The following SMYD3 variants were observed in gnomAD, a reference collection of about 807,000 sequenced individuals.
SMYD3 encodes histone-lysine N-methyltransferase SMYD3.
In SMYD3, 36 loss-of-function variants were observed where a neutral mutation model predicts 57.7. The observed-to-expected ratio is 0.62, with a 90% confidence interval of 0.48 to 0.82. The LOEUF is 0.82. SMYD3 is among the 40% of genes least tolerant of loss of function. The pLI, the probability that SMYD3 is intolerant of heterozygous loss-of-function variation, is 0.00. For missense variants in SMYD3, 515 were observed against 538.8 expected (o/e 0.96, Z 0.44); for synonymous variants, 211 against 195.0 (o/e 1.08, Z -0.68).
rs72766646 is a variant in SMYD3, at chr1:245,807,301, A to C, written c.1077-43152T>G. ...GCAAAAGGTCTTACAAAAGTCAAGA[A>C]ATTGCTTATGATTACAGCTCTGCAA... On this transcript the variant is annotated intron_variant, in intron 10 of 11. Coordinates refer to ENST00000490107, the MANE Select transcript of SMYD3 (RefSeq NM_001167740.2). 3.7e-3 allele frequency among the ~76,000 whole-genome samples: 567 copies of C among 152,282 alleles called. 2 individuals are homozygous for C. Among genetic ancestry groups the C allele is most frequent in the Non-Finnish European group, 6.7e-3 (457 of 68,026 alleles).
intron 2 of SMYD3, 99 bp from the exon 3 acceptor site, chr1:246,335,573 A>G: frequency 1.1e-6 from 1 of 870,022 alleles, no homozygotes. Context: ...AAATTTTAAT[A>G]GTCCAAATGT....
chr1:245,895,940 T>C (rs987293331), intron 8 of SMYD3, among the ~76,000 whole-genome samples: 1 of 152,208 alleles, frequency 6.6e-6, no homozygotes, highest in African/African-American at 2.4e-5. Flanking sequence ...AAAATTAACA[T>C]TGCTTTATAT....
At chr1:246,472,992 G>A (rs1303096769) in intron 1 of SMYD3, among the ~76,000 whole-genome samples, 1 of 151,714 alleles carries the variant, frequency 6.6e-6, no homozygotes, top group Non-Finnish European at 1.5e-5. Flanking sequence ...AAGTAGCTGG[G>A]ATTACAGGCA....
At chr1:246,081,548 T>C (rs1287347035) in intron 5 of SMYD3, among the ~76,000 whole-genome samples, 5 of 152,132 alleles carry the variant, frequency 3.3e-5, no homozygotes, top group Admixed American at 3.3e-4. Flanking sequence ...CTGCACCATG[T>C]CACCTGGCTA....
chr1:246,132,086 T>A (rs549700823), intron 5 of SMYD3, among the ~76,000 whole-genome samples: 1 of 152,174 alleles, frequency 6.6e-6, no homozygotes, highest in South Asian at 2.1e-4. Context: ...GGGACAATTC[T>A]ACTAAACATG....
chr1:246,354,451 C>G (rs1381874052), intron 2 of SMYD3, among the ~76,000 whole-genome samples: 1 of 151,940 alleles, frequency 6.6e-6, no homozygotes, highest in African/African-American at 2.4e-5. Context: ...GGGAAGTGTG[C>G]AAAATGTGCA....
At chr1:246,297,588 A>C (rs1148708) in intron 5 of SMYD3, among the ~76,000 whole-genome samples, 152,255 of 152,266 alleles carry the variant, frequency 1, 76,122 homozygotes, top group Middle Eastern at 1. Context: ...TTCAATAAGG[A>C]CAGAACCTGA....
intron 8 of SMYD3, among the ~76,000 whole-genome samples, chr1:245,870,150 A>G (rs1443210765): frequency 6.6e-6 from 1 of 152,250 alleles, no homozygotes; most frequent in East Asian, 1.9e-4. Flanking sequence ...CAGTATTACA[A>G]GAATAAAATA....
At chr1:246,093,153 C>T (rs573426262) in intron 5 of SMYD3, among the ~76,000 whole-genome samples, 1 of 152,222 alleles carries the variant, frequency 6.6e-6, no homozygotes, top group Non-Finnish European at 1.5e-5. Flanking sequence ...ACTCTCATAT[C>T]CTGTTGGTGA....
chr1:246,466,640 T>C (rs2103044331), intron 1 of SMYD3, among the ~76,000 whole-genome samples: 1 of 152,268 alleles, frequency 6.6e-6, no homozygotes, highest in Non-Finnish European at 1.5e-5. Flanking sequence ...TGAGTTTACC[T>C]ATATAAAAAA....
intron 1 of SMYD3, among the ~76,000 whole-genome samples, chr1:246,409,751 G>A (rs1226301426): frequency 6.6e-6 from 1 of 152,120 alleles, no homozygotes; most frequent in Admixed American, 6.5e-5. Context: ...CATTGAATCT[G>A]TAAATTACCT....
intron 5 of SMYD3, among the ~76,000 whole-genome samples, chr1:246,007,236 C>T (rs1007630061): frequency 1.3e-5 from 2 of 152,180 alleles, no homozygotes; most frequent in African/African-American, 4.8e-5. Context: ...GACTCTGAAG[C>T]ATGTGCGTTT....
intron 1 of SMYD3, among the ~76,000 whole-genome samples, chr1:246,394,384 C>T (rs552786754): frequency 1.8e-4 from 27 of 152,346 alleles, no homozygotes; most frequent in African/African-American, 6.3e-4. Flanking sequence ...GTACACAAAC[C>T]TCACTGCACA....
At chr1:246,318,506 T>C (rs544120205) in intron 5 of SMYD3, among the ~76,000 whole-genome samples, 41 of 152,312 alleles carry the variant, frequency 2.7e-4, no homozygotes, top group Non-Finnish European at 4.3e-4. Flanking sequence ...CTGCATACAA[T>C]GAAGGTTGCT....
Position 245,962,696 on chromosome 1 carries a change from C to T in SMYD3, c.532-32759G>A, listed in dbSNP as rs1288045671. ...CAAAAATCTTGTGCCAAGGTTTGAC[C>T]TCAACAACCGCAAAACCAATCATTG... On this transcript the variant is annotated intron_variant, in intron 5 of 11. Transcript: ENST00000490107. 5.4e-5 allele frequency among the ~76,000 whole-genome samples: 8 copies of T among 149,148 alleles called. 2 individuals are homozygous for T. The highest frequency in any genetic ancestry group is 8.9e-5 in the Non-Finnish European group (6 of 67,386).
At chr1:245,796,577 A>G (rs2047528878) in intron 10 of SMYD3, among the ~76,000 whole-genome samples, 1 of 152,210 alleles carries the variant, frequency 6.6e-6, no homozygotes, top group South Asian at 2.1e-4. Context: ...TTTCACAGGA[A>G]ACAATTTTTT....
chr1:246,017,547 T>C (rs933634064), intron 5 of SMYD3, among the ~76,000 whole-genome samples: 1 of 152,164 alleles, frequency 6.6e-6, no homozygotes, highest in Non-Finnish European at 1.5e-5. Context: ...CACGAATAGA[T>C]TGAGGTTCTG....
chr1:246,109,248 C>T (rs770855583), intron 5 of SMYD3, among the ~76,000 whole-genome samples: 4 of 152,094 alleles, frequency 2.6e-5, no homozygotes, highest in Admixed American at 6.6e-5. Flanking sequence ...ATGTTACAAA[C>T]GTAAAATTAT....
At chr1:246,002,256 C>T (rs2059068309) in intron 5 of SMYD3, among the ~76,000 whole-genome samples, 1 of 140,590 alleles carries the variant, frequency 7.1e-6, no homozygotes, top group Non-Finnish European at 1.6e-5. Flanking sequence ...GCGATCTCGG[C>T]TCACTGCAAG....
Sources: gnomAD v4.1 joint callset for allele counts (sites outside exome capture counted in the v4.1 genomes callset) on GRCh38, gnomAD v4.1.1 for gene constraint, MANE v1.5 for transcripts, NCBI Gene and HGNC (gene_info 2026-07-23, HGNC 2026-07-21) for gene names.